EPC1: variants seen among roughly 807,000 people sequenced by gnomAD.
EPC1 encodes the protein enhancer of polycomb homolog 1.
Under a neutral mutation model 98.4 loss-of-function variants are expected in EPC1, and 12 were observed. The ratio of observed to expected loss-of-function variants is 0.12; its 90% CI spans 0.08 to 0.20. The LOEUF (loss-of-function observed/expected upper bound fraction) is 0.20. EPC1 is among the 10% of genes least tolerant of loss of function. EPC1 has a pLI of 1.00. For missense variants in EPC1, 729 were observed against 990.5 expected (o/e 0.74, Z 3.54); for synonymous variants, 357 against 363.9 (o/e 0.98, Z 0.21).
intron 2 of EPC1, among the ~76,000 whole-genome samples, chr10:32,302,317 C>A (rs978835939): frequency 6.6e-6 from 1 of 151,758 alleles, no homozygotes; most frequent in Non-Finnish European, 1.5e-5. Flanking sequence ...TTTAAAAACA[C>A]CTCAAACTCA....
intron 2 of EPC1, among the ~76,000 whole-genome samples, chr10:32,304,114 TC>T: frequency 6.6e-6 from 1 of 152,046 alleles, no homozygotes; most frequent in Non-Finnish European, 1.5e-5. Flanking sequence ...ATGTCAGGAG[TC>T]AATTCCTTTT....
At chr10:32,313,673 C>A (rs1003400462) in intron 1 of EPC1, among the ~76,000 whole-genome samples, 1 of 151,956 alleles carries the variant, frequency 6.6e-6, no homozygotes, top group Non-Finnish European at 1.5e-5. Flanking sequence ...AGAGAGTCAC[C>A]TGAGGAGTTT....
intron 1 of EPC1, among the ~76,000 whole-genome samples, chr10:32,344,039 A>G (rs1405639953): frequency 1.3e-5 from 2 of 152,352 alleles, no homozygotes; most frequent in East Asian, 1.9e-4. Context: ...CAGTGACCTA[A>G]TAAGATAACA....
chr10:32,285,322 T>G, intron 9 of EPC1: 1 of 337,096 alleles, frequency 3.0e-6, no homozygotes, highest in Non-Finnish European at 5.3e-6. Context: ...GCGAACACAT[T>G]TATTCTATAT....
At chr10:32,306,728 A>G (rs1233743682) in intron 1 of EPC1, among the ~76,000 whole-genome samples, 4 of 152,214 alleles carry the variant, frequency 2.6e-5, no homozygotes, top group Admixed American at 6.5e-5. Flanking sequence ...GGTGCTCAAA[A>G]TAAGTTCTGG....
intron 1 of EPC1, chr10:32,374,202 T>C (rs1839825147): frequency 6.6e-6 from 1 of 152,190 alleles, no homozygotes; most frequent in South Asian, 2.1e-4. Context: ...ATTTCTGTTA[T>C]ATATACCATT....
chr10:32,330,052 A>T (rs1319770213), intron 1 of EPC1, among the ~76,000 whole-genome samples: 1 of 152,226 alleles, frequency 6.6e-6, no homozygotes, highest in Admixed American at 6.5e-5. Context: ...AAAAGGACAT[A>T]GGAGCCAGAT....
chr10:32,371,221 G>A (rs1839739656), intron 1 of EPC1, among the ~76,000 whole-genome samples: 1 of 152,204 alleles, frequency 6.6e-6, no homozygotes, highest in Non-Finnish European at 1.5e-5. Context: ...ATGTTGCAGT[G>A]TTTTTCAACT....
At chr10:32,324,021 C>T (rs555898154) in intron 1 of EPC1, among the ~76,000 whole-genome samples, 16 of 152,146 alleles carry the variant, frequency 1.1e-4, no homozygotes, top group Middle Eastern at 6.8e-3. Flanking sequence ...CTGCAAGCTC[C>T]GCCTCCTAGG....
intron 10 of EPC1, chr10:32,283,889 T>A (rs1159308744): frequency 2.6e-5 from 4 of 152,154 alleles, no homozygotes; most frequent in Admixed American, 2.6e-4. Flanking sequence ...GTAAATTAGT[T>A]TACGGAACAT....
At chr10:32,299,194 T>C (rs1448831083) in intron 2 of EPC1, among the ~76,000 whole-genome samples, 1 of 152,154 alleles carries the variant, frequency 6.6e-6, no homozygotes, top group Non-Finnish European at 1.5e-5. Flanking sequence ...TTGTTTTGTT[T>C]TGTTTTTTTG....
chr10:32,293,645 G>A lies in EPC1; in HGVS notation c.406C>T (p.Pro136Ser), dbSNP rs1416555502. 2 of 1,613,406 alleles carry A rather than the reference G, an allele frequency of 1.2e-6. No individual in the cohort carries two copies. Among genetic ancestry groups the A allele is most frequent in the Admixed American group, 1.7e-5 (1 of 59,994 alleles). The part of the protein sequence containing the change: ...NKLKKKMDIC[P>S]LQFEEMIDRL... Reference sequence around the variant, plus strand: ...TCAATCATCTCCTCAAATTGCAATGGGCAGATGTCCATTTTCTTTTTCAGT... The same window carrying A: ...TCAATCATCTCCTCAAATTGCAATGAGCAGATGTCCATTTTCTTTTTCAGT... Residue 136 changes from proline (P) to serine (S), a missense_variant, in exon 3 of 14, where the codon CCA (proline) becomes TCA (serine). Around this residue, in one of 6 missense-constraint regions of EPC1, gnomAD observed 94 missense variants for 125.1 expected, o/e 0.75. Coordinates refer to ENST00000319778, the MANE Select transcript of EPC1 (RefSeq NM_001272004.3).
rs1386406791 is a variant in EPC1 at position 32,271,534 on chromosome 10, A to G, written c.2369+20T>C. 6.2e-7 allele frequency: 1 copy of G among 1,604,520 alleles called. No homozygotes were observed. Among genetic ancestry groups the G allele is most frequent in the Admixed American group, 1.7e-5 (1 of 59,448 alleles). On this transcript the variant is annotated intron_variant, in intron 13 of 13. Coordinates refer to ENST00000319778, the MANE Select transcript of EPC1 (RefSeq NM_001272004.3). Reference sequence around the variant, plus strand: ...TTAGATCTCTTATTCCAGGTATGTTAGGCAAAAATAACTACTCACCTTGGA... The same window carrying G: ...TTAGATCTCTTATTCCAGGTATGTTGGGCAAAAATAACTACTCACCTTGGA...
At chr10:32,303,073 G>A (rs1247377247) in intron 2 of EPC1, among the ~76,000 whole-genome samples, 1 of 152,150 alleles carries the variant, frequency 6.6e-6, no homozygotes, top group African/African-American at 2.4e-5. Context: ...GGAGGCCAAG[G>A]CAGGTGGATC....
At chr10:32,315,466 C>T (rs577673093) in intron 1 of EPC1, among the ~76,000 whole-genome samples, 22 of 152,156 alleles carry the variant, frequency 1.4e-4, no homozygotes, top group African/African-American at 5.1e-4. Flanking sequence ...TTAAGGCTAC[C>T]TTTAGACCTT....
intron 1 of EPC1, among the ~76,000 whole-genome samples, chr10:32,313,053 A>G (rs1836341173): frequency 6.6e-6 from 1 of 152,010 alleles, no homozygotes; most frequent in South Asian, 2.1e-4. Flanking sequence ...TTAAGTGTAC[A>G]GAAGGCTGGG....
chr10:32,275,048 A>G (rs1009972706), intron 10 of EPC1, among the ~76,000 whole-genome samples: 3 of 152,252 alleles, frequency 2.0e-5, no homozygotes, highest in Non-Finnish European at 4.4e-5. Flanking sequence ...TTAAAAGCAA[A>G]CAAACCATTT....
chr10:32,370,732 A>G (rs536756124), intron 1 of EPC1, among the ~76,000 whole-genome samples: 2 of 152,332 alleles, frequency 1.3e-5, no homozygotes, highest in South Asian at 4.1e-4. Flanking sequence ...GCTATGGACC[A>G]CTTGAAATGT....
At chr10:32,338,573 C>T (rs1838122799) in intron 1 of EPC1, among the ~76,000 whole-genome samples, 1 of 152,152 alleles carries the variant, frequency 6.6e-6, no homozygotes, top group Admixed American at 6.5e-5. Flanking sequence ...TCCTAATCTA[C>T]AACCCCCTGC....
Sources: allele counts gnomAD v4.1 joint callset (sites outside exome capture counted in the v4.1 genomes callset), GRCh38; gene constraint gnomAD v4.1.1; regional missense constraint gnomAD v4.1.1; transcripts MANE v1.5; gene names NCBI Gene and HGNC (gene_info 2026-07-23, HGNC 2026-07-21).